The following DIO2 variants were observed in gnomAD, a reference collection of about 807,000 sequenced individuals.
DIO2 encodes the protein iodothyronine deiodinase 2.
In DIO2, 19 loss-of-function variants were observed where a neutral mutation model predicts 21.4. The ratio of observed to expected loss-of-function variants is 0.89; its 90% CI spans 0.62 to 1.30. DIO2 has a LOEUF of 1.30. DIO2 is among the 50% of genes most tolerant of loss of function. The pLI is 0.00. For synonymous variants in DIO2, 122 were observed against 132.9 expected (o/e 0.92, Z 0.57); for missense variants, 302 against 338.1 (o/e 0.89, Z 0.84).
chr14:80,230,798 T>A (rs971159238), intron 2 of DIO2: 3 of 152,238 alleles, frequency 2.0e-5, no homozygotes, highest in Non-Finnish European at 4.4e-5. Context: ...CTTAATATTA[T>A]GTTCCTCTAG....
At chr14:80,209,336 A>C (rs1296847574) in intron 1 of DIO2, among the ~76,000 whole-genome samples, 2 of 151,838 alleles carry the variant, frequency 1.3e-5, no homozygotes, top group African/African-American at 4.8e-5. Context: ...ATATAAGTAA[A>C]ATTCTTCCAA....
intron 1 of DIO2, among the ~76,000 whole-genome samples, chr14:80,204,693 C>T (rs747431228): frequency 1.3e-4 from 20 of 152,162 alleles, no homozygotes; most frequent in Non-Finnish European, 1.6e-4. Flanking sequence ...CATACAGCCA[C>T]ACATAATGCT....
Position 80,203,189 on chromosome 14 carries a change from C to T in DIO2, c.322G>A (p.Glu108Lys). 6.2e-7 allele frequency: 1 copy of T among 1,610,054 alleles called. No homozygotes were observed. Among genetic ancestry groups the T allele is most frequent in the Non-Finnish European group, 8.5e-7 (1 of 1,178,182 alleles). The change falls in exon 2 of 2, where the codon GAG becomes AAG. Residue 108 changes from glutamate to lysine, a missense_variant. By Grantham distance (56) the Glu-to-Lys change is moderately conservative. Coordinates refer to ENST00000438257, the MANE Select transcript of DIO2 (RefSeq NM_013989.5). ...TCAAGAAGGTGGCATGTGGCTCCCT[C>T]AGCTATCTTCTCCTGGGTACCATTG... Reference protein sequence around the residue: ...SGNGTQEKIAEGATCHLLDFA... With the variant: ...SGNGTQEKIAKGATCHLLDFA...
chr14:80,227,611 G>T (rs1478460221), intron 2 of DIO2, among the ~76,000 whole-genome samples: 1 of 152,334 alleles, frequency 6.6e-6, no homozygotes, highest in East Asian at 1.9e-4. Flanking sequence ...GGCCTCTGCT[G>T]TGATTCACCT....
intron 2 of DIO2, among the ~76,000 whole-genome samples, chr14:80,221,284 C>G (rs1888458460): frequency 6.6e-6 from 1 of 152,108 alleles, no homozygotes; most frequent in South Asian, 2.1e-4. Flanking sequence ...CCTTTTTGCT[C>G]TCTCTTTGAC....
chr14:80,212,562 AG>A (rs1290656382), upstream of DIO2, among the ~76,000 whole-genome samples: 3 of 152,222 alleles, frequency 2.0e-5, no homozygotes, highest in African/African-American at 7.2e-5. Context: ...GAAGGCAGGT[AG>A]AAAAAAGGAA....
At position 80,198,438 on chromosome 14, in the gene DIO2, TAAAGTCAC is replaced by T. The variant is rs1480844895; in HGVS notation, c.*4243_*4250del. Reference sequence around the variant, plus strand: ...AAGTGGCCCAATGTTTTGCTCATCCTAAAGTCACTCAATGACTTGCAGCAGCCTTCAGC... The same window carrying T: ...AAGTGGCCCAATGTTTTGCTCATCCTTCAATGACTTGCAGCAGCCTTCAGC... On this transcript the variant is annotated 3_prime_UTR_variant, in exon 2 of 2. Transcript: ENST00000438257. 5 of 152,692 alleles carry T rather than the reference TAAAGTCAC, an allele frequency of 3.3e-5. No individual in the cohort carries two copies. The highest frequency in any genetic ancestry group is 2.1e-4 in the South Asian group (1 of 4,830). 9.5% of individuals were successfully genotyped at this position (152,692 alleles called of 1,614,324 possible). A position where few individuals can be genotyped will look rare whatever the true frequency, so the allele number is the denominator to read the frequency against.
chr14:80,212,869 T>C (rs1468096165), upstream of DIO2, among the ~76,000 whole-genome samples: 1 of 151,178 alleles, frequency 6.6e-6, no homozygotes. Flanking sequence ...AAAATCCAAG[T>C]TCCTCCAGAC....
At chr14:80,203,602 T>C (rs1887833850) in intron 1 of DIO2, among the ~76,000 whole-genome samples, 1 of 152,250 alleles carries the variant, frequency 6.6e-6, no homozygotes, top group African/African-American at 2.4e-5. Flanking sequence ...TTTACTATCC[T>C]TATTTTGCTG....
intron 1 of DIO2, among the ~76,000 whole-genome samples, chr14:80,205,068 T>C (rs1887893815): frequency 6.6e-6 from 1 of 152,224 alleles, no homozygotes; most frequent in Non-Finnish European, 1.5e-5. Flanking sequence ...TGGAGAAATC[T>C]AATAAGCACA....
chr14:80,215,005 G>A (rs1482313366), upstream of DIO2, among the ~76,000 whole-genome samples: 1 of 152,162 alleles, frequency 6.6e-6, no homozygotes, highest in East Asian at 1.9e-4. Flanking sequence ...AAATGGCAAA[G>A]GCTGTGAGGA....
At chr14:80,215,016 CTTCACATCTGTT>C (rs1888318773), upstream of DIO2, among the ~76,000 whole-genome samples, 1 of 152,188 alleles carries the variant, frequency 6.6e-6, no homozygotes, top group Non-Finnish European at 1.5e-5. Context: ...GCTGTGAGGA[CTTCACATCTGTT>C]TAAGACTGTC....
chr14:80,230,566 T>C (rs1167469393), intron 2 of DIO2, among the ~76,000 whole-genome samples: 2 of 152,110 alleles, frequency 1.3e-5, no homozygotes, highest in Non-Finnish European at 2.9e-5. Context: ...TCTCCACATA[T>C]GGTCAAAGGT....
At chr14:80,213,311 A>G (rs1888270210), upstream of DIO2, among the ~76,000 whole-genome samples, 1 of 152,206 alleles carries the variant, frequency 6.6e-6, no homozygotes, top group African/African-American at 2.4e-5. Flanking sequence ...ACTGGGTAAT[A>G]GATAGCTGAG....
At chr14:80,218,118 T>A (rs1045487582) in intron 2 of DIO2, among the ~76,000 whole-genome samples, 1 of 152,082 alleles carries the variant, frequency 6.6e-6, no homozygotes, top group Non-Finnish European at 1.5e-5. Flanking sequence ...ATAAAAAAAA[T>A]CTTGACAAGT....
Position 80,199,867 on chromosome 14 carries a change from A to G in DIO2, c.*2822T>C, listed in dbSNP as rs1887643677. Reference sequence around the variant, plus strand: ...TGATATAAATATATCATAGATTTATACTATGATATATAAATAGATACACAT... The same window carrying G: ...TGATATAAATATATCATAGATTTATGCTATGATATATAAATAGATACACAT... On this transcript the variant is annotated 3_prime_UTR_variant, in exon 2 of 2. Coordinates refer to ENST00000438257, the MANE Select transcript of DIO2 (RefSeq NM_013989.5). The G allele has an allele frequency of 6.6e-6, 1 of 152,606 alleles. No individual in the cohort carries two copies. Among genetic ancestry groups the G allele is most frequent in the Non-Finnish European group, 1.5e-5 (1 of 68,034 alleles). The allele number at this position is 152,606 out of a possible 1,614,324, so 9.5% of individuals were successfully genotyped here.
chr14:80,199,923 C>T lies in DIO2; in HGVS notation c.*2766G>A, dbSNP rs1887647640. On this transcript the variant is annotated 3_prime_UTR_variant, in exon 2 of 2. Coordinates refer to ENST00000438257, the MANE Select transcript of DIO2 (RefSeq NM_013989.5). ...TGTGGGACTAAGAACTACAATTCTT[C>T]AAAGGAACAAACCTTATAAAACACA... 6.6e-6 allele frequency: 1 copy of T among 152,414 alleles called. No homozygotes were observed. The highest frequency in any genetic ancestry group is 2.4e-5 in the African/African-American group (1 of 41,362). 9.4% of individuals were successfully genotyped at this position (152,414 alleles called of 1,614,324 possible). A position where few individuals can be genotyped will look rare whatever the true frequency, so the allele number is the denominator to read the frequency against.
At chr14:80,230,081 G>T (rs760272855) in intron 2 of DIO2, among the ~76,000 whole-genome samples, 3 of 152,156 alleles carry the variant, frequency 2.0e-5, no homozygotes, top group African/African-American at 4.8e-5. Flanking sequence ...GCAGCATAGG[G>T]TTTATCTCCT....
intron 2 of DIO2, among the ~76,000 whole-genome samples, chr14:80,225,694 A>C (rs1484896758): frequency 1.3e-5 from 2 of 152,142 alleles, no homozygotes; most frequent in Non-Finnish European, 2.9e-5. Flanking sequence ...GAAGTGACTC[A>C]AACCTTCATT....
Sources: allele counts gnomAD v4.1 joint callset (sites outside exome capture counted in the v4.1 genomes callset), GRCh38; gene constraint gnomAD v4.1.1; transcripts MANE v1.5; gene names NCBI Gene and HGNC (gene_info 2026-07-23, HGNC 2026-07-21).